The following ZUP1 variants were observed in gnomAD, a reference collection of about 807,000 sequenced individuals.
ZUP1 encodes zinc finger-containing ubiquitin peptidase 1.
A neutral mutation model predicts 68.1 loss-of-function variants in ZUP1; 55 were observed. The ratio of observed to expected loss-of-function variants is 0.81; its 90% CI spans 0.65 to 1.01. The LOEUF (loss-of-function observed/expected upper bound fraction) is 1.01. Ranked by LOEUF, ZUP1 falls within the 50% of genes least tolerant of loss-of-function variation. The probability of loss-of-function intolerance (pLI) is 0.00; values close to 1 mark genes in which losing one functional copy is unlikely to be tolerated. For synonymous variants in ZUP1, 223 were observed against 221.5 expected (o/e 1.01, Z -0.06); for missense variants, 684 against 674.9 (o/e 1.01, Z -0.15).
intron 9 of ZUP1, among the ~76,000 whole-genome samples, chr6:116,641,703 A>C (rs1404460757): frequency 1.3e-5 from 2 of 152,208 alleles, no homozygotes; most frequent in African/African-American, 4.8e-5. Context: ...TGTAGAGGGA[A>C]ATTTATAGCA....
At position 116,652,193 on chromosome 6, in the gene ZUP1, C is replaced by T; in HGVS notation, c.962-1G>A. ...TACCTATGAAGTGCTTCAATAATTC[C>T]TAAAGTAGAAAAGAGATTCAGAAGC... On this transcript the variant is annotated splice_acceptor_variant, in intron 5 of 9. Coordinates refer to ENST00000368576, the MANE Select transcript of ZUP1 (RefSeq NM_145062.3). LOFTEE classifies it high-confidence loss of function. 1.9e-6 allele frequency: 3 copies of T among 1,608,718 alleles called. No homozygotes were observed. Among genetic ancestry groups the T allele is most frequent in the Non-Finnish European group, 2.5e-6 (3 of 1,177,806 alleles).
chr6:116,640,300 A>C (rs1776055490), intron 9 of ZUP1, among the ~76,000 whole-genome samples: 2 of 152,228 alleles, frequency 1.3e-5, no homozygotes, highest in East Asian at 3.8e-4. Context: ...CCAATCTAGC[A>C]AGGGAGGCCA....
intron 5 of ZUP1, among the ~76,000 whole-genome samples, chr6:116,654,717 A>G (rs937872035): frequency 6.6e-6 from 1 of 152,034 alleles, no homozygotes; most frequent in Non-Finnish European, 1.5e-5. Flanking sequence ...GTCTCCTATA[A>G]ATCAGTAAGA....
chr6:116,652,263 C>T (rs1776531494), intron 5 of ZUP1, 71 bp from the exon 6 acceptor site: 1 of 1,212,104 alleles, frequency 8.3e-7, no homozygotes, highest in Admixed American at 2.4e-5. Flanking sequence ...TTTTTAATAT[C>T]AACCTCTCCT....
chr6:116,651,533 A>G (rs745539930), intron 7 of ZUP1, 39 bp downstream of exon 7: 1 of 1,500,132 alleles, frequency 6.7e-7, no homozygotes, highest in Non-Finnish European at 8.9e-7. Context: ...AAGCTCCCCG[A>G]TAAGGAAATA....
At chr6:116,660,164 G>C (rs17078202) in intron 3 of ZUP1, 4 of 152,090 alleles carry the variant, frequency 2.6e-5, no homozygotes, top group African/African-American at 9.7e-5. Flanking sequence ...CATGAACACC[G>C]ATACTGGTAC....
At chr6:116,645,583 C>CAAAAAAAAAAAAAAAAAAAAA (rs59393240) in intron 9 of ZUP1, 131 bp downstream of exon 9, 4 of 431,258 alleles carry the variant, frequency 9.3e-6, no homozygotes, top group African/African-American at 3.8e-5. Context: ...ACCCTGTCTC[C>CAAAAAAAAAAAAAAAAAAAAA]AAAAAAAAAA....
intron 9 of ZUP1, among the ~76,000 whole-genome samples, chr6:116,639,759 G>C (rs1253653201): frequency 2.0e-5 from 3 of 152,178 alleles, no homozygotes; most frequent in Non-Finnish European, 4.4e-5. Context: ...AGAAAAACTG[G>C]AAACTCTAAA....
At position 116,666,718 on chromosome 6, in the gene ZUP1, A is replaced by G. The variant is rs112738382; in HGVS notation, c.475T>C (p.Cys159Arg). The change falls in exon 2 of 10, where the codon TGT (cysteine) becomes CGT (arginine). Residue 159 changes from cysteine to arginine, a missense_variant. Coordinates refer to ENST00000368576, the MANE Select transcript of ZUP1 (RefSeq NM_145062.3). Reference sequence around the variant, plus strand: ...TCACTGTGCTCCTCTATTTTTCCACAGAATGGACATTCAGGAGGACTGTAT... The same window carrying G: ...TCACTGTGCTCCTCTATTTTTCCACGGAATGGACATTCAGGAGGACTGTAT... ...TTYSPPECPF[C>R]GKIEEHSEDM... 9 of 1,613,454 alleles carry G rather than the reference A, an allele frequency of 5.6e-6. No homozygotes were observed. The highest frequency in any genetic ancestry group is 5.1e-6 in the Non-Finnish European group (6 of 1,179,838).
chr6:116,659,084 C>G (rs568516982), intron 3 of ZUP1, among the ~76,000 whole-genome samples, 160 bp from the exon 4 acceptor site: 14 of 152,268 alleles, frequency 9.2e-5, no homozygotes, highest in African/African-American at 3.4e-4. Flanking sequence ...AAACTTAGAA[C>G]TGCTTTGGTA....
In ZUP1 at chr6:116,666,798, C is replaced by A. The variant is rs140797289; in HGVS notation, c.395G>T (p.Ser132Ile). 1 of 1,613,474 alleles carries A rather than the reference C, an allele frequency of 6.2e-7. No individual in the cohort carries two copies. Among genetic ancestry groups the A allele is most frequent in the Non-Finnish European group, 8.5e-7 (1 of 1,179,824 alleles). Residue 132 changes from serine (S) to isoleucine (I), a missense_variant, in exon 2 of 10, where the codon AGT becomes ATT. Physicochemically the swap from Ser to Ile is moderately radical, Grantham distance 142. Transcript: ENST00000368576. ...GGTCAGGCTGGACTGTTTTTCCCTA[C>A]TTTTCAGGAATTTTCTAGATTCAGT... ...NLTESRKFLK[S>I]REKQSSLTEI...
At chr6:116,661,279 A>G (rs976665642) in intron 2 of ZUP1, among the ~76,000 whole-genome samples, 1 of 152,140 alleles carries the variant, frequency 6.6e-6, no homozygotes, top group Non-Finnish European at 1.5e-5. Flanking sequence ...TAGTGGATTT[A>G]AAAGCTATTT....
intron 9 of ZUP1, among the ~76,000 whole-genome samples, chr6:116,645,108 CAT>C (rs1436857108): frequency 2.6e-5 from 4 of 150,960 alleles, no homozygotes; most frequent in African/African-American, 7.3e-5. Flanking sequence ...GTAAACTGCA[CAT>C]ATTTAAAATG....
chr6:116,663,550 GT>G (rs1477905654), intron 2 of ZUP1, among the ~76,000 whole-genome samples: 1 of 151,818 alleles, frequency 6.6e-6, no homozygotes, highest in African/African-American at 2.4e-5. Context: ...CAATACACTT[GT>G]TTTTTTTCCT....
In ZUP1 at chr6:116,651,824, T is replaced by C. The variant is rs1477443101; in HGVS notation, c.1151-87A>G. 6.0e-6 allele frequency: 9 copies of C among 1,506,386 alleles called. No individual in the cohort carries two copies. In the Admixed American group the frequency reaches 7.8e-5, roughly 13 times the overall value. 93.3% of individuals were successfully genotyped at this position (1,506,386 alleles called of 1,614,324 possible). On this transcript the variant is annotated intron_variant, in intron 6 of 9. Coordinates refer to ENST00000368576, the MANE Select transcript of ZUP1 (RefSeq NM_145062.3). The stretch of plus-strand genomic sequence containing the variant: ...AGTGTATTATGTACTCGGGGAACTT[T>C]ACGGTTTTTAAGACAGTTATTCCTG...
At chr6:116,653,178 T>C (rs984983888) in intron 5 of ZUP1, among the ~76,000 whole-genome samples, 3 of 152,022 alleles carry the variant, frequency 2.0e-5, no homozygotes, top group African/African-American at 7.2e-5. Flanking sequence ...TAGTATATTC[T>C]CCTTATGTTT....
At chr6:116,639,051 G>A (rs956356976) in intron 9 of ZUP1, among the ~76,000 whole-genome samples, 36 of 152,196 alleles carry the variant, frequency 2.4e-4, no homozygotes, top group Non-Finnish European at 4.9e-4. Context: ...CACCTGGCTC[G>A]GAGGGTCCTA....
intron 2 of ZUP1, among the ~76,000 whole-genome samples, chr6:116,665,803 A>G (rs1776990332): frequency 7.0e-6 from 1 of 142,012 alleles, no homozygotes; most frequent in Non-Finnish European, 1.5e-5. Flanking sequence ...ATTGCCCAGG[A>G]TCGTCTCGAA....
At chr6:116,653,618 T>C (rs1776579379) in intron 5 of ZUP1, among the ~76,000 whole-genome samples, 1 of 152,074 alleles carries the variant, frequency 6.6e-6, no homozygotes, top group Middle Eastern at 3.4e-3. Context: ...ACAATTAAAA[T>C]AGTATATAAC....
Sources: gnomAD v4.1 joint callset for allele counts (sites outside exome capture counted in the v4.1 genomes callset) on GRCh38, gnomAD v4.1.1 for gene constraint, MANE v1.5 for transcripts, NCBI Gene and HGNC (gene_info 2026-07-23, HGNC 2026-07-21) for gene names.